Variants in CSMD1 observed in about 807,000 individuals in gnomAD.
CSMD1 encodes CUB and Sushi multiple domains 1.
A neutral mutation model predicts 417.5 loss-of-function variants in CSMD1; 213 were observed. The observed-to-expected ratio is 0.51, with a 90% CI of 0.46 to 0.57. CSMD1 has a LOEUF of 0.57. CSMD1 is among the 20% of genes least tolerant of loss of function. The probability of loss-of-function intolerance (pLI) is 0.00; values close to 1 mark genes in which losing one functional copy is unlikely to be tolerated. For missense variants in CSMD1, 6,923 were observed against 4,529.7 expected, an observed-to-expected ratio of 1.53 and a Z score of -15.17; for synonymous variants, 2,862 against 1,736.8, an observed-to-expected ratio of 1.65 and a Z score of -16.11.
intron 8 of CSMD1, among the ~76,000 whole-genome samples, chr8:3,601,933 A>G (rs114002105): frequency 8.7e-4 from 133 of 152,256 alleles, no homozygotes; most frequent in African/African-American, 3.0e-3. Context: ...CATTCTGTCT[A>G]TAGTGATCAC....
chr8:4,707,552 G>T (rs1235089844), intron 1 of CSMD1, among the ~76,000 whole-genome samples: 1 of 152,038 alleles, frequency 6.6e-6, no homozygotes, highest in Non-Finnish European at 1.5e-5. Flanking sequence ...TAGAACAGAT[G>T]CTAACTAAAT....
intron 52 of CSMD1, among the ~76,000 whole-genome samples, chr8:3,009,203 T>C (rs561668664): frequency 6.6e-6 from 1 of 152,226 alleles, no homozygotes; most frequent in Admixed American, 6.5e-5. Context: ...AGGGGCCTAC[T>C]TGAAGCTCAC....
rs187566166 is a variant in CSMD1 at position 4,020,182 on chromosome 8, G to A, written c.610+11723C>T. On this transcript the variant is annotated intron_variant, in intron 4 of 69. Coordinates refer to ENST00000635120, the MANE Select transcript of CSMD1 (RefSeq NM_033225.6). ...TCTTTACAACAGATTTCTCAAGTAG[G>A]CACTTTTATACACATAAAAATCTTG... Among the ~76,000 whole-genome samples, 27 of 152,138 alleles carry A rather than the reference G, an allele frequency of 1.8e-4. No individual in the cohort carries two copies. The East Asian group carries it at 4.9e-3, about 27-fold the overall frequency.
intron 10 of CSMD1, among the ~76,000 whole-genome samples, chr8:3,528,067 C>G (rs1178230680): frequency 6.6e-6 from 1 of 152,118 alleles, no homozygotes; most frequent in Non-Finnish European, 1.5e-5. Flanking sequence ...ATCCAAACCA[C>G]CCCCATATAA....
At chr8:4,091,895 A>G (rs755684658) in intron 3 of CSMD1, among the ~76,000 whole-genome samples, 1 of 152,238 alleles carries the variant, frequency 6.6e-6, no homozygotes, top group East Asian at 1.9e-4. Context: ...AGAACCGTAC[A>G]GAGTTTTAAA....
chr8:4,252,007 C>G (rs998558719), intron 3 of CSMD1, among the ~76,000 whole-genome samples: 2 of 152,040 alleles, frequency 1.3e-5, no homozygotes, highest in African/African-American at 4.8e-5. Flanking sequence ...GCATAGAGAA[C>G]TTACGTATTT....
At chr8:3,950,159 G>C (rs1257031625) in intron 5 of CSMD1, among the ~76,000 whole-genome samples, 1 of 152,128 alleles carries the variant, frequency 6.6e-6, no homozygotes, top group African/African-American at 2.4e-5. Flanking sequence ...CTGACTTACA[G>C]AAGAAAGGTA....
chr8:3,614,711 G>A (rs1480470360), intron 8 of CSMD1, among the ~76,000 whole-genome samples: 1 of 152,166 alleles, frequency 6.6e-6, no homozygotes, highest in Non-Finnish European at 1.5e-5. Flanking sequence ...ATACAAGATG[G>A]GCAGTTCCTC....
At chr8:4,103,292 G>T (rs115410033) in intron 3 of CSMD1, among the ~76,000 whole-genome samples, 1 of 150,272 alleles carries the variant, frequency 6.7e-6, no homozygotes, top group East Asian at 1.9e-4. Flanking sequence ...AAAGTATGAC[G>T]TGTGTGTGCA....
intron 5 of CSMD1, among the ~76,000 whole-genome samples, chr8:3,764,160 G>C (rs1584961093): frequency 1.3e-5 from 2 of 152,162 alleles, no homozygotes; most frequent in South Asian, 2.1e-4. Flanking sequence ...TCTCACTCCA[G>C]GGACCCCTCC....
At chr8:3,071,013 G>A (rs979366184) in intron 49 of CSMD1, among the ~76,000 whole-genome samples, 2 of 152,212 alleles carry the variant, frequency 1.3e-5, no homozygotes, top group Non-Finnish European at 2.9e-5. Flanking sequence ...CATGGCAGAA[G>A]GCCAAGGGGG....
intron 3 of CSMD1, among the ~76,000 whole-genome samples, chr8:4,176,212 T>A (rs1029291446): frequency 1.3e-5 from 2 of 152,082 alleles, no homozygotes; most frequent in African/African-American, 4.8e-5. Flanking sequence ...TGGATGTGGC[T>A]CTGTAGGCTA....
chr8:4,443,656 TAAAG>T (rs1451810338), intron 2 of CSMD1, among the ~76,000 whole-genome samples: 6 of 152,188 alleles, frequency 3.9e-5, no homozygotes, highest in South Asian at 2.1e-4. Context: ...GACGTGCAGT[TAAAG>T]AAATAGCATT....
chr8:4,906,576 C>CTTT (rs10626735), intron 1 of CSMD1, among the ~76,000 whole-genome samples: 14 of 151,034 alleles, frequency 9.3e-5, no homozygotes, highest in African/African-American at 9.7e-5. Flanking sequence ...TTTTGAGTTG[C>CTTT]TTTTTTTTCC....
At chr8:3,814,593 G>A (rs75395607) in intron 5 of CSMD1, among the ~76,000 whole-genome samples, 1 of 152,116 alleles carries the variant, frequency 6.6e-6, no homozygotes, top group Admixed American at 6.5e-5. Flanking sequence ...TAAGGCCATG[G>A]GTGCTGCTGG....
At chr8:3,883,053 G>A (rs2688289) in intron 5 of CSMD1, among the ~76,000 whole-genome samples, 35,818 of 152,062 alleles carry the variant, frequency 0.24, 5,520 homozygotes, top group African/African-American at 0.44. Flanking sequence ...ATATCTAAGA[G>A]CCACTGACAT....
chr8:4,093,889 G>A (rs1056023676), intron 3 of CSMD1, among the ~76,000 whole-genome samples: 2 of 152,040 alleles, frequency 1.3e-5, no homozygotes, highest in East Asian at 3.9e-4. Flanking sequence ...GAACGCAGGA[G>A]GCAGAGGTTT....
intron 1 of CSMD1, among the ~76,000 whole-genome samples, chr8:4,699,417 C>G (rs935591530): frequency 2.0e-5 from 3 of 152,110 alleles, no homozygotes; most frequent in African/African-American, 7.2e-5. Context: ...CTTTTAATGC[C>G]TGTTCTATTG....
chr8:4,191,313 G>C (rs949459459), intron 3 of CSMD1, among the ~76,000 whole-genome samples: 1 of 151,848 alleles, frequency 6.6e-6, no homozygotes. Flanking sequence ...GGAGAATGGC[G>C]TGAACCCGGG....
Sources: gnomAD v4.1 joint callset for allele counts (sites outside exome capture counted in the v4.1 genomes callset) on GRCh38, gnomAD v4.1.1 for gene constraint, MANE v1.5 for transcripts, NCBI Gene and HGNC (gene_info 2026-07-23, HGNC 2026-07-21) for gene names.